Variants in BAALC observed in about 807,000 individuals in gnomAD.
The protein encoded by BAALC is brain and acute leukemia cytoplasmic protein.
A neutral mutation model predicts 15.5 loss-of-function variants in BAALC; 9 were observed. The ratio of observed to expected loss-of-function variants is 0.58; its 90% CI spans 0.35 to 1.02. BAALC has a LOEUF of 1.02. BAALC is among the 50% of genes least tolerant of loss of function. The pLI is 0.02. For synonymous variants in BAALC, 80 were observed against 74.6 expected, an observed-to-expected ratio of 1.07 and a Z score of -0.37; for missense variants, 201 against 192.4, an observed-to-expected ratio of 1.04 and a Z score of -0.27.
chr8:103,196,521 T>A (rs1812102573), intron 1 of BAALC, among the ~76,000 whole-genome samples: 6 of 152,136 alleles, frequency 3.9e-5, no homozygotes, highest in Admixed American at 3.9e-4. Context: ...ACTCAAGCAA[T>A]CTTCCTGTCT....
chr8:103,160,244 C>T (rs1262732130), intron 1 of BAALC, among the ~76,000 whole-genome samples: 3 of 152,146 alleles, frequency 2.0e-5, no homozygotes. Flanking sequence ...CAGGCCCAAG[C>T]ATAGGGGCTC....
At chr8:103,215,093 G>A (rs1405740032) in intron 2 of BAALC, 1 of 152,216 alleles carries the variant, frequency 6.6e-6, no homozygotes, top group East Asian at 1.9e-4. Context: ...GTGGTCAAGA[G>A]GAAGCAGCTT....
chr8:103,197,669 C>T (rs1812125026), intron 1 of BAALC, among the ~76,000 whole-genome samples: 1 of 152,146 alleles, frequency 6.6e-6, no homozygotes, highest in South Asian at 2.1e-4. Flanking sequence ...CTGTCATCTG[C>T]TTCTGGTGAG....
intron 1 of BAALC, among the ~76,000 whole-genome samples, chr8:103,210,043 G>A (rs1812417969): frequency 6.6e-6 from 1 of 152,188 alleles, no homozygotes; most frequent in South Asian, 2.1e-4. Flanking sequence ...TTCTGCAGGT[G>A]TACACTGCCC....
intron 1 of BAALC, among the ~76,000 whole-genome samples, chr8:103,148,275 G>C (rs1331703606): frequency 2.0e-5 from 3 of 152,140 alleles, no homozygotes; most frequent in African/African-American, 7.2e-5. Context: ...CACCAGCCAA[G>C]GAGCATCAAG....
chr8:103,203,860 T>G (rs868826124), intron 1 of BAALC, among the ~76,000 whole-genome samples: 1 of 152,212 alleles, frequency 6.6e-6, no homozygotes, highest in Non-Finnish European at 1.5e-5. Flanking sequence ...TGTTTCTACT[T>G]TTTGGCTTTT....
rs760323415 is a variant in BAALC, at chr8:103,228,119, G to C, written c.*20G>C. 8 of 1,497,194 alleles carry C rather than the reference G, an allele frequency of 5.3e-6. No individual in the cohort carries two copies. The highest frequency in any genetic ancestry group is 7.4e-6 in the Non-Finnish European group (8 of 1,075,262). 92.7% of individuals were successfully genotyped at this position (1,497,194 alleles called of 1,614,324 possible). A position where few individuals can be genotyped will look rare whatever the true frequency, so the allele number is the denominator to read the frequency against. ...AACTAGCAGAGAGTCCAAGCAGAAGGGCAGATGGACTTCTTCAGTGTCCTT... is the reference window on the plus strand; with the variant it reads ...AACTAGCAGAGAGTCCAAGCAGAAGCGCAGATGGACTTCTTCAGTGTCCTT... On this transcript the variant is annotated 3_prime_UTR_variant, in exon 3 of 3. Transcript: ENST00000309982.
intron 1 of BAALC, among the ~76,000 whole-genome samples, chr8:103,169,654 T>C (rs1042051655): frequency 4.6e-5 from 7 of 152,168 alleles, no homozygotes; most frequent in African/African-American, 1.7e-4. Flanking sequence ...TCTCCCAATT[T>C]CCTACCTGGA....
intron 2 of BAALC, among the ~76,000 whole-genome samples, chr8:103,218,504 A>G (rs745881443): frequency 1.6e-4 from 25 of 152,120 alleles, no homozygotes; most frequent in Non-Finnish European, 2.8e-4. Flanking sequence ...GGCTGCCTCC[A>G]AACATTTACT....
chr8:103,181,432 T>C (rs762472574), intron 1 of BAALC, among the ~76,000 whole-genome samples: 10 of 151,938 alleles, frequency 6.6e-5, no homozygotes, highest in Admixed American at 2.6e-4. Flanking sequence ...CCACCACGCC[T>C]GGCTAATTTT....
intron 1 of BAALC, among the ~76,000 whole-genome samples, chr8:103,175,151 A>G (rs2129956282): frequency 6.6e-6 from 1 of 152,196 alleles, no homozygotes; most frequent in South Asian, 2.1e-4. Context: ...AGGCCTCCTC[A>G]TTTTGACTCA....
chr8:103,174,184 C>T (rs1811558107), intron 1 of BAALC, among the ~76,000 whole-genome samples: 1 of 149,922 alleles, frequency 6.7e-6, no homozygotes, highest in Non-Finnish European at 1.5e-5. Context: ...CCTCCCCCAT[C>T]AAGATGGAGT....
At chr8:103,210,648 A>C (rs1320776255) in intron 1 of BAALC, among the ~76,000 whole-genome samples, 2 of 152,270 alleles carry the variant, frequency 1.3e-5, no homozygotes, top group African/African-American at 4.8e-5. Context: ...AAGAGAAACA[A>C]ATGACTTTAC....
At chr8:103,182,426 G>A (rs928078815) in intron 1 of BAALC, among the ~76,000 whole-genome samples, 4 of 152,250 alleles carry the variant, frequency 2.6e-5, no homozygotes, top group South Asian at 2.1e-4. Context: ...GGTTATATAC[G>A]GAACACCTGG....
At chr8:103,158,496 CAT>C (rs1432189106) in intron 1 of BAALC, among the ~76,000 whole-genome samples, 1 of 152,056 alleles carries the variant, frequency 6.6e-6, no homozygotes, top group African/African-American at 2.4e-5. Flanking sequence ...TTTTCTTTGG[CAT>C]ATCAGAATTG....
chr8:103,184,558 A>G (rs768832908), intron 1 of BAALC, among the ~76,000 whole-genome samples: 2 of 152,240 alleles, frequency 1.3e-5, no homozygotes, highest in Non-Finnish European at 2.9e-5. Flanking sequence ...GCCCAAAGTC[A>G]CATAGCTGGT....
intron 1 of BAALC, among the ~76,000 whole-genome samples, chr8:103,185,448 A>T (rs964919329): frequency 6.6e-6 from 1 of 152,114 alleles, no homozygotes; most frequent in Non-Finnish European, 1.5e-5. Flanking sequence ...AAGTCTTTGC[A>T]TTCTCTTTCT....
At chr8:103,204,772 C>T (rs1812292181) in intron 1 of BAALC, among the ~76,000 whole-genome samples, 2 of 152,136 alleles carry the variant, frequency 1.3e-5, no homozygotes, top group South Asian at 2.1e-4. Context: ...TTGTAATAGC[C>T]ATGCAAAAGG....
intron 1 of BAALC, among the ~76,000 whole-genome samples, chr8:103,185,675 G>C (rs561482192): frequency 5.3e-4 from 81 of 152,336 alleles, no homozygotes; most frequent in Non-Finnish European, 9.4e-4. Context: ...GGGGAGACTG[G>C]AGGGATTGGG....
Sources: gnomAD v4.1 joint callset for allele counts (sites outside exome capture counted in the v4.1 genomes callset) on GRCh38, gnomAD v4.1.1 for gene constraint, MANE v1.5 for transcripts, NCBI Gene and HGNC (gene_info 2026-07-23, HGNC 2026-07-21) for gene names.